SYT1: variants seen among roughly 807,000 people sequenced by gnomAD.
SYT1 encodes the protein synaptotagmin 1.
In SYT1, 8 loss-of-function variants were observed where a neutral mutation model predicts 44.8. That is an observed-to-expected ratio of 0.18 (90% CI 0.10 to 0.32). The LOEUF (loss-of-function observed/expected upper bound fraction) is 0.32. Ranked by LOEUF, SYT1 falls within the 10% of genes least tolerant of loss-of-function variation. The probability of loss-of-function intolerance (pLI) is 1.00; values close to 1 mark genes in which losing one functional copy is unlikely to be tolerated. For synonymous variants in SYT1, 154 were observed against 188.8 expected, an observed-to-expected ratio of 0.82 and a Z score of 1.51; for missense variants, 286 against 509.3, an observed-to-expected ratio of 0.56 and a Z score of 4.22.
chr12:79,390,806 A>G (rs928865633), intron 9 of SYT1, among the ~76,000 whole-genome samples: 1 of 152,078 alleles, frequency 6.6e-6, no homozygotes, highest in African/African-American at 2.4e-5. Context: ...CTTAATTTTC[A>G]TGTGTTTATT....
In SYT1 at chr12:78,999,655, T is replaced by C. The variant is rs572194499; in HGVS notation, c.-84+21724T>C. ...TTGAATTTGTGTGTTTTAGAGAGGA[T>C]AGGTACATGTAATGCAGGGTTCAGT... On this transcript the variant is annotated intron_variant, in intron 2 of 10. Coordinates refer to ENST00000261205, the MANE Select transcript of SYT1 (RefSeq NM_005639.3). Among the ~76,000 whole-genome samples the C allele has an allele frequency of 3.3e-5, 5 of 152,258 alleles. No individual in the cohort carries two copies. In the East Asian group the frequency reaches 9.6e-4, roughly 29 times the overall value.
intron 9 of SYT1, among the ~76,000 whole-genome samples, chr12:79,361,701 G>A (rs1883321925): frequency 6.6e-6 from 1 of 152,186 alleles, no homozygotes; most frequent in Non-Finnish European, 1.5e-5. Context: ...AGATTGGTAT[G>A]TTATTTTAGT....
At position 79,235,416 on chromosome 12, in the gene SYT1, C is replaced by A. The variant is rs952637125; in HGVS notation, c.166+17731C>A. 3.9e-5 allele frequency among the ~76,000 whole-genome samples: 6 copies of A among 151,988 alleles called. No individual in the cohort carries two copies. In the East Asian group the frequency reaches 9.7e-4, roughly 24 times the overall value. ...TAAAACTTCTAGAAGAAAATATAGA[C>A]AATAATTTCATGACCTTGATATAGA... On this transcript the variant is annotated intron_variant, in intron 4 of 10. Coordinates refer to ENST00000261205, the MANE Select transcript of SYT1 (RefSeq NM_005639.3).
intron 1 of SYT1, chr12:78,960,169 G>C (rs1436714715): frequency 6.6e-6 from 1 of 152,028 alleles, no homozygotes; most frequent in Non-Finnish European, 1.5e-5. Flanking sequence ...GCTGGCTTTT[G>C]TTTTAACCCC....
intron 9 of SYT1, among the ~76,000 whole-genome samples, chr12:79,409,509 G>A (rs973245921): frequency 2.0e-5 from 3 of 152,070 alleles, no homozygotes; most frequent in African/African-American, 7.2e-5. Context: ...GTGACCTAGA[G>A]TGAATTTTAT....
intron 1 of SYT1, among the ~76,000 whole-genome samples, chr12:78,976,120 C>T (rs1868813592): frequency 6.6e-6 from 1 of 152,106 alleles, no homozygotes; most frequent in African/African-American, 2.4e-5. Flanking sequence ...AAATTTACAC[C>T]ATGACACTTA....
At chr12:79,313,637 T>C (rs58099421) in intron 8 of SYT1, among the ~76,000 whole-genome samples, 43,808 of 149,172 alleles carry the variant, frequency 0.29, 6,919 homozygotes, top group East Asian at 0.58. Context: ...AAGATAGACC[T>C]GCTAAGCTTA....
chr12:79,099,184 C>A (rs753460319), intron 3 of SYT1, among the ~76,000 whole-genome samples: 12 of 152,090 alleles, frequency 7.9e-5, no homozygotes, highest in Non-Finnish European at 1.6e-4. Context: ...GGCTTACAGT[C>A]CTGATCCTGA....
chr12:78,902,419 G>T (rs1020533121), intron 1 of SYT1, among the ~76,000 whole-genome samples: 1 of 151,880 alleles, frequency 6.6e-6, no homozygotes, highest in African/African-American at 2.4e-5. Context: ...CTTCCACATA[G>T]GGCAATATAA....
intron 1 of SYT1, among the ~76,000 whole-genome samples, chr12:78,944,117 T>C (rs2137264046): frequency 6.6e-6 from 1 of 152,002 alleles, no homozygotes; most frequent in South Asian, 2.1e-4. Context: ...ATTTCAGAAT[T>C]TTAAAAATCT....
At chr12:79,438,413 T>A (rs1870215266) in intron 9 of SYT1, among the ~76,000 whole-genome samples, 2 of 152,170 alleles carry the variant, frequency 1.3e-5, no homozygotes, top group African/African-American at 4.8e-5. Context: ...ATCAACGTGC[T>A]AGGTACTGAT....
intron 1 of SYT1, among the ~76,000 whole-genome samples, chr12:78,922,319 A>G (rs1014663801): frequency 2.6e-5 from 4 of 151,934 alleles, no homozygotes; most frequent in African/African-American, 4.8e-5. Flanking sequence ...GTCAAGAGGC[A>G]TAAAGGACTT....
chr12:79,046,226 C>T (rs886966833), intron 2 of SYT1: 1 of 152,214 alleles, frequency 6.6e-6, no homozygotes, highest in Non-Finnish European at 1.5e-5. Flanking sequence ...GGAAATACCG[C>T]TGTCACTTTA....
intron 3 of SYT1, among the ~76,000 whole-genome samples, chr12:79,122,666 C>CA (rs138916272): frequency 0.11 from 17,263 of 151,896 alleles, 1,056 homozygotes; most frequent in African/African-American, 0.13. Flanking sequence ...TTTTTCTGGT[C>CA]AAAAGTAAGT....
At chr12:79,036,271 T>C (rs780445967) in intron 2 of SYT1, among the ~76,000 whole-genome samples, 3 of 151,790 alleles carry the variant, frequency 2.0e-5, no homozygotes, top group Non-Finnish European at 4.4e-5. Flanking sequence ...AGAATGTAAG[T>C]ACCTGACAAG....
chr12:79,083,678 T>C (rs562276252), intron 3 of SYT1, among the ~76,000 whole-genome samples: 4 of 152,186 alleles, frequency 2.6e-5, no homozygotes, highest in Non-Finnish European at 4.4e-5. Flanking sequence ...ATTACATATA[T>C]TGTTTATATA....
intron 4 of SYT1, among the ~76,000 whole-genome samples, chr12:79,232,616 C>A (rs1000374002): frequency 1.3e-5 from 2 of 152,162 alleles, no homozygotes; most frequent in Non-Finnish European, 2.9e-5. Context: ...TCCTAACCCA[C>A]TATTCCTCAG....
chr12:79,198,848 G>A (rs1565850960), intron 3 of SYT1, among the ~76,000 whole-genome samples: 1 of 152,094 alleles, frequency 6.6e-6, no homozygotes, highest in Non-Finnish European at 1.5e-5. Context: ...TAGGACTTCA[G>A]TCATTTTCTT....
In SYT1 at chr12:79,179,148, A is replaced by ATATAGATATATAGATATAGATATATC. The variant is rs1872180951; in HGVS notation, c.-17-38351_-17-38350insGATATATAGATATAGATATATCTATA. On this transcript the variant is annotated intron_variant, in intron 3 of 10. Transcript: ENST00000261205. Reference sequence around the variant, plus strand: ...TATAGATATATAGATATAGATATAGATATATAGATATATAGATATAGATAT... The same window carrying ATATAGATATATAGATATAGATATATC: ...TATAGATATATAGATATAGATATAGATATAGATATATAGATATAGATATATCTATATAGATATATAGATATAGATAT... 4.3e-5 allele frequency among the ~76,000 whole-genome samples: 2 copies of ATATAGATATATAGATATAGATATATC among 46,392 alleles called. 1 individual carries two copies. Among genetic ancestry groups the ATATAGATATATAGATATAGATATATC allele is most frequent in the African/African-American group, 2.3e-4 (2 of 8,598 alleles). The allele number at this position is 46,392 out of a possible 152,430, so 30.4% of individuals were successfully genotyped here.
Sources: gnomAD v4.1 joint callset for allele counts (sites outside exome capture counted in the v4.1 genomes callset) on GRCh38, gnomAD v4.1.1 for gene constraint, MANE v1.5 for transcripts, NCBI Gene and HGNC (gene_info 2026-07-23, HGNC 2026-07-21) for gene names.